The following EBF2 variants were observed in gnomAD, a reference collection of about 807,000 sequenced individuals.
EBF2 encodes EBF transcription factor 2.
EBF2 carries 21 observed loss-of-function variants against 72.8 expected under a neutral mutation model. The observed-to-expected ratio is 0.29, with a 90% CI of 0.20 to 0.42. The LOEUF (loss-of-function observed/expected upper bound fraction) is 0.42, where lower values mean the gene tolerates loss of function less well. EBF2 is among the 10% of genes least tolerant of loss of function. The pLI is 1.00. For missense variants in EBF2, 637 were observed against 731.2 expected (o/e 0.87, Z 1.49); for synonymous variants, 299 against 274.2 (o/e 1.09, Z -0.89).
chr8:26,009,932 A>T (rs998611491), intron 6 of EBF2, among the ~76,000 whole-genome samples: 1 of 152,214 alleles, frequency 6.6e-6, no homozygotes, highest in Non-Finnish European at 1.5e-5. Context: ...ATTTCACTGG[A>T]CGCCCTCCAC....
chr8:26,002,907 C>T (rs1473334371), intron 6 of EBF2, among the ~76,000 whole-genome samples: 1 of 6,332 alleles, frequency 1.6e-4, no homozygotes, highest in Non-Finnish European at 3.7e-4. Flanking sequence ...GGCGGGCAGG[C>T]GGGCAGGCGG....
intron 5 of EBF2, among the ~76,000 whole-genome samples, chr8:26,039,146 C>A (rs982603716): frequency 2.6e-5 from 4 of 151,868 alleles, no homozygotes; most frequent in Non-Finnish European, 5.9e-5. Flanking sequence ...AGCACCCAAC[C>A]GATACCGGGC....
chr8:25,894,289 A>T (rs1802832729), intron 7 of EBF2, among the ~76,000 whole-genome samples: 1 of 152,204 alleles, frequency 6.6e-6, no homozygotes. Context: ...CAAAACTTCA[A>T]ATTTAAGTTC....
intron 6 of EBF2, among the ~76,000 whole-genome samples, chr8:25,913,515 C>T (rs1803163676): frequency 6.6e-6 from 1 of 152,134 alleles, no homozygotes; most frequent in Non-Finnish European, 1.5e-5. Flanking sequence ...TATACAGAAC[C>T]TGTCTGTATA....
chr8:25,979,423 G>A (rs926243764), intron 6 of EBF2, among the ~76,000 whole-genome samples: 3 of 152,218 alleles, frequency 2.0e-5, no homozygotes, highest in Admixed American at 6.5e-5. Context: ...GATGGCTGTG[G>A]CGTGCTGCGT....
chr8:25,943,287 C>T lies in EBF2; in HGVS notation c.552-34732G>A, dbSNP rs535134700. On this transcript the variant is annotated intron_variant, in intron 6 of 15. Coordinates refer to ENST00000520164, the MANE Select transcript of EBF2 (RefSeq NM_022659.4). The stretch of plus-strand genomic sequence containing the variant: ...TTGGAGACCAGCCTGGGCAACATAG[C>T]AAGACATAACCCCTGTCTCTACACA... Among the ~76,000 whole-genome samples, 3 of 83,870 alleles carry T rather than the reference C, an allele frequency of 3.6e-5. No individual in the cohort carries two copies. In the East Asian group the frequency reaches 9.6e-4, roughly 27 times the overall value. 55.0% of individuals were successfully genotyped at this position (83,870 alleles called of 152,430 possible).
At position 25,996,421 on chromosome 8, in the gene EBF2, G is replaced by A. The variant is rs545621945; in HGVS notation, c.551+36664C>T. ...TTCTAACCAAACTGAATAATTTAAG[G>A]TAATCTCTTAAATTTTAACAAATTA... On this transcript the variant is annotated intron_variant, in intron 6 of 15. Coordinates refer to ENST00000520164, the MANE Select transcript of EBF2 (RefSeq NM_022659.4). Among the ~76,000 whole-genome samples the A allele has an allele frequency of 2.9e-3, 444 of 151,852 alleles. 1 individual carries two copies. Among genetic ancestry groups the A allele is most frequent in the Middle Eastern group, 6.8e-3 (2 of 294 alleles).
At chr8:25,946,648 G>A (rs1438271731) in intron 6 of EBF2, among the ~76,000 whole-genome samples, 6 of 152,072 alleles carry the variant, frequency 3.9e-5, no homozygotes, top group South Asian at 2.1e-4. Context: ...TGTGCATCAC[G>A]GGAGAAACCT....
At chr8:25,995,305 T>C (rs1804607313) in intron 6 of EBF2, among the ~76,000 whole-genome samples, 1 of 151,940 alleles carries the variant, frequency 6.6e-6, no homozygotes. Context: ...AAACTCTGCC[T>C]CAAAAAATAG....
intron 1 of EBF2, among the ~76,000 whole-genome samples, chr8:26,043,676 G>T (rs1309588444): frequency 6.6e-6 from 1 of 152,202 alleles, no homozygotes; most frequent in South Asian, 2.1e-4. Context: ...CGCTCTACCC[G>T]GGACACCTGG....
intron 6 of EBF2, among the ~76,000 whole-genome samples, chr8:25,978,985 C>T (rs1302802792): frequency 6.6e-6 from 1 of 152,182 alleles, no homozygotes; most frequent in Non-Finnish European, 1.5e-5. Flanking sequence ...GCTCAAACCA[C>T]GCAGCACCCT....
intron 10 of EBF2, among the ~76,000 whole-genome samples, chr8:25,881,271 G>T (rs1802601968): frequency 6.6e-6 from 1 of 152,158 alleles, no homozygotes; most frequent in Non-Finnish European, 1.5e-5. Flanking sequence ...CCTGGCCCCT[G>T]CCCACCTTTG....
At chr8:25,987,360 A>C (rs1804477820) in intron 6 of EBF2, among the ~76,000 whole-genome samples, 1 of 152,158 alleles carries the variant, frequency 6.6e-6, no homozygotes, top group Non-Finnish European at 1.5e-5. Context: ...AGGCACAGAG[A>C]GGCTCAGTAG....
At chr8:25,878,165 C>T (rs1802553388) in intron 10 of EBF2, among the ~76,000 whole-genome samples, 1 of 152,350 alleles carries the variant, frequency 6.6e-6, no homozygotes, top group Non-Finnish European at 1.5e-5. Context: ...GCTCACAGCA[C>T]TCACTCTGCA....
chr8:25,873,275 T>G (rs902959163), intron 10 of EBF2, among the ~76,000 whole-genome samples: 1 of 152,226 alleles, frequency 6.6e-6, no homozygotes, highest in South Asian at 2.1e-4. Flanking sequence ...TTTATTTCTC[T>G]GTGAAGACAA....
At chr8:25,878,950 C>T (rs941259447) in intron 10 of EBF2, among the ~76,000 whole-genome samples, 1 of 152,116 alleles carries the variant, frequency 6.6e-6, no homozygotes, top group Non-Finnish European at 1.5e-5. Flanking sequence ...TGCACTGTTT[C>T]AGTATTTAAA....
chr8:25,904,542 A>G (rs1425933709), intron 7 of EBF2, among the ~76,000 whole-genome samples: 1 of 152,164 alleles, frequency 6.6e-6, no homozygotes, highest in East Asian at 1.9e-4. Context: ...AATCCTTCAT[A>G]TTAAATTTAT....
At position 25,843,996 on chromosome 8, in the gene EBF2, T is replaced by C. The variant is rs1218885032; in HGVS notation, c.*613A>G. On this transcript the variant is annotated 3_prime_UTR_variant, in exon 16 of 16. Coordinates refer to ENST00000520164, the MANE Select transcript of EBF2 (RefSeq NM_022659.4). ...TCTTAATTTCTACCTCTACTTACAA[T>C]AAGTTACACATTTATTTATTTAAAT... The C allele has an allele frequency of 6.6e-6, 1 of 152,354 alleles. No individual in the cohort carries two copies. Among genetic ancestry groups the C allele is most frequent in the African/African-American group, 2.4e-5 (1 of 41,452 alleles). 9.4% of individuals were successfully genotyped at this position (152,354 alleles called of 1,614,324 possible). A position where few individuals can be genotyped will look rare whatever the true frequency, so the allele number is the denominator to read the frequency against.
chr8:26,044,918 CTG>C lies in EBF2; in HGVS notation c.-61_-60del. 6.4e-7 allele frequency: 1 copy of C among 1,562,274 alleles called. No individual in the cohort carries two copies. Among genetic ancestry groups the C allele is most frequent in the East Asian group, 2.3e-5 (1 of 44,086 alleles). On this transcript the variant is annotated 5_prime_UTR_variant, in exon 1 of 16. Coordinates refer to ENST00000520164, the MANE Select transcript of EBF2 (RefSeq NM_022659.4). The surrounding 1 kb of genome is among the most constrained non-coding windows in gnomAD (Gnocchi z 4.1). ...AGTAAGAGTTACAACACAGTCCTGACTGTTCCCAACGTTGCCAGCAAATCGTC... is the reference window on the plus strand; with the variant it reads ...AGTAAGAGTTACAACACAGTCCTGACTTCCCAACGTTGCCAGCAAATCGTC...
Sources: allele counts gnomAD v4.1 joint callset (sites outside exome capture counted in the v4.1 genomes callset), GRCh38; gene constraint gnomAD v4.1.1; non-coding constraint Gnocchi (gnomAD v3.1); transcripts MANE v1.5; gene names NCBI Gene and HGNC (gene_info 2026-07-23, HGNC 2026-07-21).